The following CACNA1D variants were observed in gnomAD, a reference collection of about 807,000 sequenced individuals.
CACNA1D encodes the protein calcium voltage-gated channel subunit alpha1 D, also known as voltage-dependent L-type calcium channel subunit alpha-1D.
CACNA1D carries 55 observed loss-of-function variants against 257.1 expected under a neutral mutation model. The observed-to-expected ratio is 0.21, with a 90% CI of 0.17 to 0.27. The LOEUF (loss-of-function observed/expected upper bound fraction) is 0.27. CACNA1D is among the 10% of genes least tolerant of loss of function. CACNA1D has a pLI of 1.00. For missense variants in CACNA1D, 1,876 were observed against 2,784.0 expected (o/e 0.67, Z 7.34); for synonymous variants, 980 against 1,014.9 (o/e 0.97, Z 0.65).
chr3:53,655,505 C>T (rs538948326), intron 4 of CACNA1D, among the ~76,000 whole-genome samples: 18 of 152,262 alleles, frequency 1.2e-4, no homozygotes, highest in African/African-American at 3.4e-4. Context: ...TTAAGAGTAG[C>T]CATTTTAACT....
At chr3:53,585,971 G>T (rs548754061) in intron 3 of CACNA1D, among the ~76,000 whole-genome samples, 1 of 152,096 alleles carries the variant, frequency 6.6e-6, no homozygotes, top group East Asian at 1.9e-4. Context: ...CCCTGCCTCC[G>T]AGAACTTCGA....
chr3:53,691,739 T>TG (rs2094523065), intron 8 of CACNA1D, among the ~76,000 whole-genome samples: 1 of 108,444 alleles, frequency 9.2e-6, no homozygotes, highest in African/African-American at 4.0e-5. Flanking sequence ...AATATATATA[T>TG]TACATATATA....
intron 4 of CACNA1D, among the ~76,000 whole-genome samples, chr3:53,657,283 G>C (rs190283408): frequency 6.6e-6 from 1 of 151,570 alleles, no homozygotes; most frequent in Non-Finnish European, 1.5e-5. Context: ...GATGAGCCAG[G>C]AGAACATACT....
intron 38 of CACNA1D, 103 bp downstream of exon 38, chr3:53,780,231 C>A: frequency 2.1e-6 from 2 of 936,324 alleles, no homozygotes; most frequent in Non-Finnish European, 3.5e-6. Context: ...AAGGGGAGGC[C>A]CTGGGGAAGG....
chr3:53,592,823 C>CCT (rs1014072867), intron 3 of CACNA1D, among the ~76,000 whole-genome samples: 1 of 152,122 alleles, frequency 6.6e-6, no homozygotes, highest in African/African-American at 2.4e-5. Context: ...CCTGCCTCAG[C>CCT]CTCCCAGGTG....
At chr3:53,747,555 G>T in intron 26 of CACNA1D, 107 bp downstream of exon 26, 1 of 1,205,882 alleles carries the variant, frequency 8.3e-7, no homozygotes, top group Non-Finnish European at 1.2e-6. Flanking sequence ...TCGCAGGATT[G>T]CCCTGTGGCT....
intron 3 of CACNA1D, among the ~76,000 whole-genome samples, chr3:53,527,556 A>G (rs1254949437): frequency 2.0e-5 from 3 of 152,202 alleles, no homozygotes; most frequent in Admixed American, 2.0e-4. Context: ...TAAAAAGCTT[A>G]CCTAGCTGAG....
intron 9 of CACNA1D, among the ~76,000 whole-genome samples, chr3:53,707,119 A>ATCAAGTACTTGGAGATGCGC (rs1328208316): frequency 1.3e-5 from 2 of 151,968 alleles, no homozygotes; most frequent in Non-Finnish European, 2.9e-5. Flanking sequence ...CAGATGTCAA[A>ATCAAGTACTTGGAGATGCGC]TCAAGTACTT....
chr3:53,577,164 C>T (rs2093052038), intron 3 of CACNA1D, among the ~76,000 whole-genome samples: 1 of 152,172 alleles, frequency 6.6e-6, no homozygotes, highest in Admixed American at 6.5e-5. Flanking sequence ...TTTGCTGCAT[C>T]TCCCTGGGCT....
At chr3:53,784,161 T>G (rs1482308480) in intron 39 of CACNA1D, among the ~76,000 whole-genome samples, 1 of 152,194 alleles carries the variant, frequency 6.6e-6, no homozygotes, top group African/African-American at 2.4e-5. Flanking sequence ...CCCCTCACCA[T>G]CAGTGCTGAG....
chr3:53,578,105 G>A (rs1381262472), intron 3 of CACNA1D, among the ~76,000 whole-genome samples: 4 of 152,142 alleles, frequency 2.6e-5, no homozygotes, highest in African/African-American at 9.7e-5. Context: ...CCCCTTTCCT[G>A]GGGTGTCTGT....
chr3:53,616,666 C>A (rs1450120522), intron 3 of CACNA1D, among the ~76,000 whole-genome samples: 1 of 152,180 alleles, frequency 6.6e-6, no homozygotes, highest in East Asian at 1.9e-4. Flanking sequence ...GAGATGCAGA[C>A]CTAAAAATAT....
intron 3 of CACNA1D, among the ~76,000 whole-genome samples, chr3:53,553,920 G>A (rs926074455): frequency 1.2e-4 from 18 of 151,294 alleles, no homozygotes; most frequent in Non-Finnish European, 2.5e-4. Context: ...TCATGGGCTG[G>A]GCATGGTGGC....
At chr3:53,763,373 G>C (rs550099891) in intron 30 of CACNA1D, among the ~76,000 whole-genome samples, 1 of 152,198 alleles carries the variant, frequency 6.6e-6, no homozygotes, top group Non-Finnish European at 1.5e-5. Flanking sequence ...ATTAAGAAGC[G>C]TGAGAAAGGG....
chr3:53,685,617 A>G (rs988670888), intron 8 of CACNA1D, among the ~76,000 whole-genome samples: 16 of 152,174 alleles, frequency 1.1e-4, no homozygotes, highest in South Asian at 6.2e-4. Context: ...TTTACAAAGT[A>G]TCTTTGTTCT....
chr3:53,524,406 G>A (rs1305206910), intron 3 of CACNA1D, among the ~76,000 whole-genome samples: 1 of 152,194 alleles, frequency 6.6e-6, no homozygotes, highest in African/African-American at 2.4e-5. Context: ...CCAAAGACAA[G>A]CTTAATGACT....
At chr3:53,686,156 G>T (rs932470305) in intron 8 of CACNA1D, among the ~76,000 whole-genome samples, 1 of 152,062 alleles carries the variant, frequency 6.6e-6, no homozygotes, top group African/African-American at 2.4e-5. Context: ...AATAAATTGG[G>T]AGAGTCCTAT....
chr3:53,755,905 G>A (rs1218167001), intron 29 of CACNA1D, among the ~76,000 whole-genome samples: 2 of 152,186 alleles, frequency 1.3e-5, no homozygotes. Flanking sequence ...GGTCGGTGGG[G>A]TAGTCGGGCT....
chr3:53,567,523 C>A (rs1188726808), intron 3 of CACNA1D, among the ~76,000 whole-genome samples: 1 of 152,080 alleles, frequency 6.6e-6, no homozygotes, highest in Non-Finnish European at 1.5e-5. Context: ...AGCCACCTTT[C>A]AAAATAGAGC....
Sources: gnomAD v4.1 joint callset for allele counts (sites outside exome capture counted in the v4.1 genomes callset) on GRCh38, gnomAD v4.1.1 for gene constraint, MANE v1.5 for transcripts, NCBI Gene and HGNC (gene_info 2026-07-23, HGNC 2026-07-21) for gene names.